Variants in DENND1A observed in about 807,000 individuals in gnomAD.
DENND1A encodes DENN domain-containing protein 1A.
DENND1A carries 51 observed loss-of-function variants against 113.7 expected under a neutral mutation model. That is an observed-to-expected ratio of 0.45 (90% confidence interval 0.36 to 0.57). The LOEUF is 0.57. Among genes scored for constraint, DENND1A ranks in the 20% least tolerant of loss-of-function variants. DENND1A has a pLI of 0.00. For synonymous variants in DENND1A, 565 were observed against 570.8 expected, an observed-to-expected ratio of 0.99 and a Z score of 0.14; for missense variants, 1,258 against 1,395.9, an observed-to-expected ratio of 0.90 and a Z score of 1.57.
At chr9:123,714,275 G>A (rs117137835) in intron 5 of DENND1A, among the ~76,000 whole-genome samples, 3 of 152,274 alleles carry the variant, frequency 2.0e-5, no homozygotes, top group East Asian at 1.9e-4. Flanking sequence ...CCTGCCAGGC[G>A]ACCTTGTCTA....
At chr9:123,903,115 G>A (rs578165698) in intron 1 of DENND1A, among the ~76,000 whole-genome samples, 150 of 151,654 alleles carry the variant, frequency 9.9e-4, no homozygotes, top group African/African-American at 2.9e-3. Context: ...GGCGGATCAC[G>A]AGGTCAGGAG....
At chr9:123,621,537 A>G (rs1031672606) in intron 10 of DENND1A, among the ~76,000 whole-genome samples, 2 of 152,226 alleles carry the variant, frequency 1.3e-5, no homozygotes, top group African/African-American at 4.8e-5. Flanking sequence ...GACTATATAT[A>G]CAGCTATATA....
At chr9:123,676,616 G>A in intron 6 of DENND1A, 104 bp downstream of exon 6, 3 of 1,018,472 alleles carry the variant, frequency 2.9e-6, no homozygotes, top group South Asian at 1.6e-5. Flanking sequence ...TTCCTATAAT[G>A]GGCATGCATC....
At chr9:123,551,047 G>A (rs916129494) in intron 13 of DENND1A, among the ~76,000 whole-genome samples, 3 of 152,216 alleles carry the variant, frequency 2.0e-5, no homozygotes, top group African/African-American at 7.2e-5. Context: ...CGCTTGACAT[G>A]GATAAAGGGG....
At chr9:123,693,288 C>T (rs1004523588) in intron 5 of DENND1A, among the ~76,000 whole-genome samples, 2 of 152,214 alleles carry the variant, frequency 1.3e-5, no homozygotes, top group African/African-American at 4.8e-5. Context: ...CTGTTTTCCA[C>T]CTGTCCTTCC....
chr9:123,524,556 AAC>A (rs1470705019), intron 13 of DENND1A, among the ~76,000 whole-genome samples: 1 of 152,234 alleles, frequency 6.6e-6, no homozygotes, highest in Non-Finnish European at 1.5e-5. Context: ...AAAGGTTACA[AAC>A]ACAGCACTTG....
At chr9:123,802,110 T>C (rs1468125869) in intron 2 of DENND1A, among the ~76,000 whole-genome samples, 1 of 152,142 alleles carries the variant, frequency 6.6e-6, no homozygotes, top group Non-Finnish European at 1.5e-5. Context: ...CTCACAAAAC[T>C]AACTTGCTTT....
At chr9:123,777,590 A>G (rs910976476) in intron 3 of DENND1A, among the ~76,000 whole-genome samples, 2 of 152,250 alleles carry the variant, frequency 1.3e-5, no homozygotes, top group Non-Finnish European at 2.9e-5. Flanking sequence ...TAGCACTACC[A>G]ATATGGAACT....
chr9:123,761,548 G>T (rs1408546721), intron 4 of DENND1A, among the ~76,000 whole-genome samples: 1 of 152,158 alleles, frequency 6.6e-6, no homozygotes, highest in Non-Finnish European at 1.5e-5. Context: ...AGTCCTCTGG[G>T]TGACCAAGTG....
At chr9:123,492,061 G>T (rs1233621847) in intron 13 of DENND1A, 1 of 152,274 alleles carries the variant, frequency 6.6e-6, no homozygotes, top group African/African-American at 2.4e-5. Flanking sequence ...GCCTGAGAAG[G>T]CCTCTCAGAG....
At chr9:123,835,178 A>G (rs1393981543) in intron 2 of DENND1A, among the ~76,000 whole-genome samples, 1 of 152,146 alleles carries the variant, frequency 6.6e-6, no homozygotes, top group African/African-American at 2.4e-5. Flanking sequence ...CAATGAAACC[A>G]AATAAAACAG....
chr9:123,488,783 C>T (rs1254223160), intron 13 of DENND1A, among the ~76,000 whole-genome samples: 4 of 152,186 alleles, frequency 2.6e-5, no homozygotes, highest in African/African-American at 9.7e-5. Context: ...CTCCACAAAC[C>T]GAGATAAAGT....
At chr9:123,413,989 A>G in intron 19 of DENND1A, 1 of 988,812 alleles carries the variant, frequency 1.0e-6, no homozygotes, top group Non-Finnish European at 1.2e-6. Context: ...TGGCCTTTCT[A>G]CTTCGGGGGA....
intron 2 of DENND1A, among the ~76,000 whole-genome samples, chr9:123,792,971 G>A (rs1389095263): frequency 1.3e-5 from 2 of 152,120 alleles, no homozygotes; most frequent in Non-Finnish European, 2.9e-5. Flanking sequence ...CTAATCAGAA[G>A]CCTCCTTTGC....
At chr9:123,413,238 G>A (rs2044453328) in intron 19 of DENND1A, 2 of 277,856 alleles carry the variant, frequency 7.2e-6, no homozygotes, top group South Asian at 1.4e-4. Flanking sequence ...TCAGAGACTC[G>A]GCACGAGGAA....
chr9:123,902,170 C>CACAT (rs1302275763), intron 1 of DENND1A, among the ~76,000 whole-genome samples: 2 of 123,188 alleles, frequency 1.6e-5, no homozygotes, highest in East Asian at 2.1e-4. Context: ...GTCACACACA[C>CACAT]ACATACACAC....
At chr9:123,770,218 C>T (rs1829507656) in intron 3 of DENND1A, among the ~76,000 whole-genome samples, 1 of 152,262 alleles carries the variant, frequency 6.6e-6, no homozygotes, top group Non-Finnish European at 1.5e-5. Context: ...TTTGAACATA[C>T]TCACCTAATT....
intron 13 of DENND1A, among the ~76,000 whole-genome samples, chr9:123,513,444 G>A (rs2053619856): frequency 6.6e-6 from 1 of 152,248 alleles, no homozygotes. Context: ...CGAGGCACTG[G>A]AATTTTCTCT....
intron 5 of DENND1A, among the ~76,000 whole-genome samples, chr9:123,744,115 C>A (rs1313294401): frequency 1.3e-5 from 2 of 152,150 alleles, no homozygotes; most frequent in Non-Finnish European, 2.9e-5. Flanking sequence ...TTGGATTGGG[C>A]TTGATAGAAC....
Sources: gnomAD v4.1 joint callset for allele counts (sites outside exome capture counted in the v4.1 genomes callset) on GRCh38, gnomAD v4.1.1 for gene constraint, MANE v1.5 for transcripts, NCBI Gene and HGNC (gene_info 2026-07-23, HGNC 2026-07-21) for gene names.